Variants in ZNF385B observed in about 807,000 individuals in gnomAD.
ZNF385B encodes the protein zinc finger protein 385B.
In ZNF385B, 23 loss-of-function variants were observed where a neutral mutation model predicts 39.2. That is an observed-to-expected ratio of 0.59 (90% CI 0.42 to 0.83). The LOEUF is 0.83. ZNF385B is among the 40% of genes least tolerant of loss of function. The pLI, the probability that ZNF385B is intolerant of heterozygous loss-of-function variation, is 0.00. For missense variants in ZNF385B, 552 were observed against 598.9 expected (o/e 0.92, Z 0.82); for synonymous variants, 205 against 222.6 (o/e 0.92, Z 0.70).
chr2:179,492,859 T>G (rs77856583), intron 5 of ZNF385B, among the ~76,000 whole-genome samples: 11,174 of 152,078 alleles, frequency 0.073, 578 homozygotes, highest in Admixed American at 0.13. Context: ...AAACACATCT[T>G]TAGTAGTCGC....
intron 3 of ZNF385B, among the ~76,000 whole-genome samples, chr2:179,711,798 C>T (rs1700013045): frequency 6.7e-6 from 1 of 149,324 alleles, no homozygotes; most frequent in African/African-American, 2.5e-5. Flanking sequence ...TTCCCTACTG[C>T]AAAAATGCTA....
At chr2:179,633,482 G>A (rs1435030290) in intron 3 of ZNF385B, among the ~76,000 whole-genome samples, 1 of 152,030 alleles carries the variant, frequency 6.6e-6, no homozygotes, top group Non-Finnish European at 1.5e-5. Context: ...TACAGAAAAG[G>A]CCTTCAACAA....
chr2:179,525,063 A>C (rs2105834219), intron 4 of ZNF385B, among the ~76,000 whole-genome samples: 1 of 152,262 alleles, frequency 6.6e-6, no homozygotes, highest in South Asian at 2.1e-4. Context: ...AAAGGCTTTG[A>C]GAGGTTCAAT....
chr2:179,487,508 C>G (rs2054706220), intron 5 of ZNF385B, among the ~76,000 whole-genome samples: 1 of 152,124 alleles, frequency 6.6e-6, no homozygotes, highest in Admixed American at 6.6e-5. Context: ...TGTTAAGTAG[C>G]AAAAGATTAA....
chr2:179,594,865 G>A (rs1687870965), intron 3 of ZNF385B, among the ~76,000 whole-genome samples: 1 of 149,736 alleles, frequency 6.7e-6, no homozygotes, highest in Non-Finnish European at 1.5e-5. Flanking sequence ...TCAGTGCAGT[G>A]GCCTAATCAT....
chr2:179,839,839 G>A (rs917586859), intron 1 of ZNF385B, among the ~76,000 whole-genome samples: 2 of 152,172 alleles, frequency 1.3e-5, no homozygotes, highest in African/African-American at 4.8e-5. Flanking sequence ...AGGCCACCTT[G>A]AGAGAAACAG....
chr2:179,757,828 G>T (rs539190105), intron 3 of ZNF385B, among the ~76,000 whole-genome samples: 2 of 152,274 alleles, frequency 1.3e-5, no homozygotes, highest in South Asian at 2.1e-4. Flanking sequence ...GTATTAGGGT[G>T]GGAGTGACCC....
intron 3 of ZNF385B, chr2:179,660,165 C>G (rs772002765): frequency 6.6e-6 from 1 of 152,486 alleles, no homozygotes; most frequent in Non-Finnish European, 1.5e-5. Flanking sequence ...GTACATTAAC[C>G]TGCCACCGGT....
intron 9 of ZNF385B, among the ~76,000 whole-genome samples, chr2:179,444,615 T>C (rs1438524081): frequency 1.3e-5 from 2 of 152,192 alleles, no homozygotes; most frequent in African/African-American, 4.8e-5. Context: ...GCCTTTACTT[T>C]ATATGCTAAA....
intron 3 of ZNF385B, among the ~76,000 whole-genome samples, chr2:179,625,091 A>G (rs1299203111): frequency 1.3e-5 from 2 of 152,218 alleles, no homozygotes; most frequent in Non-Finnish European, 2.9e-5. Flanking sequence ...ACTGAGAAAT[A>G]AAATCCATTA....
At chr2:179,632,446 T>C (rs956525285) in intron 3 of ZNF385B, among the ~76,000 whole-genome samples, 9 of 152,210 alleles carry the variant, frequency 5.9e-5, no homozygotes, top group Admixed American at 3.3e-4. Context: ...TGCTCCTGAA[T>C]GACTACTGGG....
intron 3 of ZNF385B, among the ~76,000 whole-genome samples, chr2:179,747,811 T>C (rs969302145): frequency 2.6e-5 from 4 of 152,118 alleles, no homozygotes; most frequent in South Asian, 2.1e-4. Flanking sequence ...GCAGATGTTA[T>C]ATAATGCCGC....
At chr2:179,801,507 C>A (rs1234418380) in intron 1 of ZNF385B, among the ~76,000 whole-genome samples, 1 of 152,086 alleles carries the variant, frequency 6.6e-6, no homozygotes, top group African/African-American at 2.4e-5. Context: ...CTCCTCTGTG[C>A]TAAGGTGCCA....
chr2:179,641,697 T>TAAA (rs34379786), intron 3 of ZNF385B, among the ~76,000 whole-genome samples: 15 of 150,840 alleles, frequency 9.9e-5, no homozygotes, highest in Admixed American at 2.7e-4. Flanking sequence ...AACCCTTAAG[T>TAAA]AAAAAAAAAA....
chr2:179,488,297 A>C (rs1183424937), intron 5 of ZNF385B, among the ~76,000 whole-genome samples: 2 of 152,152 alleles, frequency 1.3e-5, no homozygotes, highest in African/African-American at 4.8e-5. Flanking sequence ...GGCATGTGCC[A>C]CCACGCCCGG....
At chr2:179,831,774 G>C (rs1430938402) in intron 1 of ZNF385B, among the ~76,000 whole-genome samples, 1 of 152,142 alleles carries the variant, frequency 6.6e-6, no homozygotes, top group Non-Finnish European at 1.5e-5. Context: ...CAGGAGTGGG[G>C]AGGCCATTAT....
At chr2:179,761,619 C>T (rs1237152191) in intron 3 of ZNF385B, among the ~76,000 whole-genome samples, 4 of 151,468 alleles carry the variant, frequency 2.6e-5, no homozygotes, top group East Asian at 3.9e-4. Context: ...CACTCTGTCA[C>T]GCAGTCTGGA....
At chr2:179,850,932 T>C (rs1684090240) in intron 1 of ZNF385B, among the ~76,000 whole-genome samples, 1 of 152,206 alleles carries the variant, frequency 6.6e-6, no homozygotes, top group African/African-American at 2.4e-5. Context: ...ACAGTTCAGA[T>C]GTTGCCTTTT....
At position 179,493,805 on chromosome 2, in the gene ZNF385B, A is replaced by ATGCATATATG. The variant is rs1297673881; in HGVS notation, c.553-10372_553-10371insCATATATGCA. 5.8e-3 allele frequency among the ~76,000 whole-genome samples: 812 copies of ATGCATATATG among 138,852 alleles called. 2 individuals are homozygous for ATGCATATATG. The highest frequency in any genetic ancestry group is 7.2e-3 in the Non-Finnish European group (456 of 63,398). 91.1% of individuals were successfully genotyped at this position (138,852 alleles called of 152,430 possible). On this transcript the variant is annotated intron_variant, in intron 5 of 9. Coordinates refer to ENST00000410066, the MANE Select transcript of ZNF385B (RefSeq NM_152520.6). ...TACACATATGTATACATATATGTAT[A>ATGCATATATG]TATACATATATATATAGCAGAGGGA...
Sources: allele counts gnomAD v4.1 joint callset (sites outside exome capture counted in the v4.1 genomes callset), GRCh38; gene constraint gnomAD v4.1.1; transcripts MANE v1.5; gene names NCBI Gene and HGNC (gene_info 2026-07-23, HGNC 2026-07-21).